The following MEGF9 variants were observed in gnomAD, a reference collection of about 807,000 sequenced individuals.
MEGF9 encodes the protein multiple EGF like domains 9.
MEGF9 carries 6 observed loss-of-function variants against 46.8 expected under a neutral mutation model. The observed-to-expected ratio is 0.13, with a 90% CI of 0.07 to 0.25. MEGF9 has a LOEUF of 0.25. Ranked by LOEUF, MEGF9 falls within the 10% of genes least tolerant of loss-of-function variation. The pLI is 1.00. For synonymous variants in MEGF9, 302 were observed against 330.7 expected (o/e 0.91, Z 0.94); for missense variants, 683 against 792.4 (o/e 0.86, Z 1.66).
chr9:120,605,736 A>G lies in MEGF9; in HGVS notation c.1358-95T>C. 1 of 877,268 alleles carries G rather than the reference A, an allele frequency of 1.1e-6. No individual in the cohort carries two copies. The highest frequency in any genetic ancestry group is 1.8e-5 in the South Asian group (1 of 55,758). 54.3% of individuals were successfully genotyped at this position (877,268 alleles called of 1,614,324 possible). A position where few individuals can be genotyped will look rare whatever the true frequency, so the allele number is the denominator to read the frequency against. ...TACGCATGGGAGTGAATGTTGATGT[A>G]GGATGTTAACATGATATTCTGCTTT... On this transcript the variant is annotated intron_variant, in intron 5 of 5. Transcript: ENST00000373930. The surrounding 1 kb of genome is among the most constrained non-coding windows in gnomAD (Gnocchi z 4.0).
intron 2 of MEGF9, among the ~76,000 whole-genome samples, chr9:120,649,049 T>C (rs1038348940): frequency 2.6e-5 from 4 of 152,224 alleles, no homozygotes; most frequent in South Asian, 4.1e-4. Context: ...AGTATTTGCA[T>C]ATGCACGTCC....
chr9:120,688,130 AACACACACACACACACAC>A (rs34218836), intron 1 of MEGF9, among the ~76,000 whole-genome samples: 12 of 142,526 alleles, frequency 8.4e-5, no homozygotes, highest in Non-Finnish European at 1.4e-4. Context: ...TCCTCTCCGC[AACACACACACACACACAC>A]ACACACACAC....
In MEGF9 at chr9:120,709,412, C is replaced by CA. The variant is rs796930010; in HGVS notation, c.601+4345dup. Among the ~76,000 whole-genome samples the CA allele has an allele frequency of 1.6e-3, 190 of 118,354 alleles. 1 individual carries two copies. Among genetic ancestry groups the CA allele is most frequent in the Non-Finnish European group, 1.6e-3 (90 of 55,178 alleles). The allele number at this position is 118,354 out of a possible 152,430, so 77.6% of individuals were successfully genotyped here. A position where few individuals can be genotyped will look rare whatever the true frequency, so the allele number is the denominator to read the frequency against. On this transcript the variant is annotated intron_variant, in intron 1 of 5. Transcript: ENST00000373930. ...TGGGCAACAGAGTGGAACTCCATCT[C>CA]AAAAAAAAAAACAAAAAACAAAAAA...
At chr9:120,677,189 CACGATCACAG>C in intron 1 of MEGF9, among the ~76,000 whole-genome samples, 1 of 152,042 alleles carries the variant, frequency 6.6e-6, no homozygotes, top group Non-Finnish European at 1.5e-5. Flanking sequence ...AGTGCAGTGG[CACGATCACAG>C]CTCACCGCAG....
At chr9:120,606,740 A>C in intron 5 of MEGF9, among the ~76,000 whole-genome samples, 1 of 152,222 alleles carries the variant, frequency 6.6e-6, no homozygotes, top group East Asian at 1.9e-4. Context: ...AATATACTAC[A>C]CAGCATTATC....
At chr9:120,682,932 A>G (rs1280030161) in intron 1 of MEGF9, among the ~76,000 whole-genome samples, 1 of 152,192 alleles carries the variant, frequency 6.6e-6, no homozygotes, top group Non-Finnish European at 1.5e-5. Context: ...GAATAAATAT[A>G]TATTTGCTTA....
intron 3 of MEGF9, among the ~76,000 whole-genome samples, chr9:120,615,092 AG>A (rs1338000559): frequency 1.3e-5 from 2 of 151,700 alleles, no homozygotes; most frequent in Admixed American, 1.3e-4. Context: ...ATACAAAATT[AG>A]TCAGGTGTGG....
intron 3 of MEGF9, among the ~76,000 whole-genome samples, chr9:120,621,305 A>G (rs1489135716): frequency 1.3e-5 from 2 of 152,168 alleles, no homozygotes. Context: ...AATTACATTT[A>G]TGCTAAACCT....
intron 1 of MEGF9, among the ~76,000 whole-genome samples, chr9:120,712,845 G>A (rs1454932737): frequency 6.6e-6 from 1 of 152,182 alleles, no homozygotes; most frequent in Non-Finnish European, 1.5e-5. Flanking sequence ...CTTTTGTTTT[G>A]TTTTGTTTTA....
In MEGF9 at chr9:120,714,022, A is replaced by G; in HGVS notation, c.337T>C (p.Ser113Pro). 7.3e-7 allele frequency: 1 copy of G among 1,368,620 alleles called. No individual in the cohort carries two copies. Among genetic ancestry groups the G allele is most frequent in the Non-Finnish European group, 9.5e-7 (1 of 1,057,098 alleles). The allele number at this position is 1,368,620 out of a possible 1,614,324, so 84.8% of individuals were successfully genotyped here. A position where few individuals can be genotyped will look rare whatever the true frequency, so the allele number is the denominator to read the frequency against. Residue 113 changes from serine (S) to proline (P), a missense_variant, in exon 1 of 6, where the codon TCC becomes CCC. Physicochemically the swap from Ser to Pro is moderately conservative, Grantham distance 74. Transcript: ENST00000373930. The part of the protein sequence containing the change: ...TPLWATAGPS[S>P]TTFQAPLGPS... The stretch of plus-strand genomic sequence containing the variant: ...CCGAGCGGCGCCTGAAAGGTGGTGG[A>G]AGAGGGTCCAGCAGTCGCCCAAAGA...
chr9:120,693,037 C>G (rs2043856881), intron 1 of MEGF9, among the ~76,000 whole-genome samples: 1 of 152,094 alleles, frequency 6.6e-6, no homozygotes, highest in East Asian at 1.9e-4. Context: ...CAGTATCTAT[C>G]TAGCCCAGCT....
chr9:120,707,600 G>A (rs2043934528), intron 1 of MEGF9, among the ~76,000 whole-genome samples: 1 of 152,134 alleles, frequency 6.6e-6, no homozygotes, highest in South Asian at 2.1e-4. Context: ...AGCCTAGACA[G>A]TTTGTATTTC....
chr9:120,713,843 G>A lies in MEGF9; in HGVS notation c.516C>T (p.Thr172=). 7.7e-7 allele frequency: 1 copy of A among 1,301,824 alleles called. No individual in the cohort carries two copies. Among genetic ancestry groups the A allele is most frequent in the Non-Finnish European group, 9.8e-7 (1 of 1,023,110 alleles). 80.6% of individuals were successfully genotyped at this position (1,301,824 alleles called of 1,614,324 possible). ...TTVPAPTTPR[T]PTPDLPSSSN... is the part of the protein sequence containing the mutation. ...TGCTGCTGGGGAGATCGGGGGTCGGGGTCCGGGGAGTCGTGGGCGCCGGTA... is the reference window on the plus strand; with the variant it reads ...TGCTGCTGGGGAGATCGGGGGTCGGAGTCCGGGGAGTCGTGGGCGCCGGTA... The change falls in exon 1 of 6, where the codon ACC becomes ACT. Residue 172 remains threonine (T), a synonymous_variant. Transcript: ENST00000373930.
At chr9:120,667,855 G>A (rs537491022) in intron 1 of MEGF9, among the ~76,000 whole-genome samples, 11 of 152,112 alleles carry the variant, frequency 7.2e-5, no homozygotes, top group Non-Finnish European at 1.3e-4. Flanking sequence ...GCAAAACCCC[G>A]TCTCTACTAA....
At position 120,605,361 on chromosome 9, in the gene MEGF9, G is replaced by C; in HGVS notation, c.1638C>G (p.Leu546=). 1.9e-6 allele frequency: 3 copies of C among 1,614,026 alleles called. No individual in the cohort carries two copies. The highest frequency in any genetic ancestry group is 2.5e-6 in the Non-Finnish European group (3 of 1,179,896). Residue 546 remains leucine (L), a synonymous_variant, in exon 6 of 6, where the codon CTC becomes CTG. Coordinates refer to ENST00000373930, the MANE Select transcript of MEGF9 (RefSeq NM_001080497.3). The surrounding 1 kb of genome is among the most constrained non-coding windows in gnomAD (Gnocchi z 4.0). Reference sequence around the variant, plus strand: ...GCTCGATGGTCCAAAAGGGGGCATTGAGTTTCCGGTTTTGGTACTCGCGGT... The same window carrying C: ...GCTCGATGGTCCAAAAGGGGGCATTCAGTTTCCGGTTTTGGTACTCGCGGT... ...YMYREYQNRK[L]NAPFWTIELK...
chr9:120,625,744 G>A (rs1332758489), intron 2 of MEGF9, among the ~76,000 whole-genome samples: 3 of 147,528 alleles, frequency 2.0e-5, no homozygotes, highest in Non-Finnish European at 4.4e-5. Flanking sequence ...TGAGGCAGGA[G>A]AATCGCTTGA....
intron 1 of MEGF9, among the ~76,000 whole-genome samples, chr9:120,661,274 G>A (rs1404078297): frequency 4.6e-5 from 7 of 152,148 alleles, no homozygotes. Flanking sequence ...AGCACTTTAG[G>A]AGGCCAAGGT....
chr9:120,637,511 A>G (rs900787383), intron 2 of MEGF9, among the ~76,000 whole-genome samples: 2 of 151,576 alleles, frequency 1.3e-5, no homozygotes, highest in Non-Finnish European at 2.9e-5. Context: ...ATGGTGCTCC[A>G]GGCCGGGCGT....
chr9:120,678,322 T>C (rs1415555129), intron 1 of MEGF9, among the ~76,000 whole-genome samples: 1 of 152,224 alleles, frequency 6.6e-6, no homozygotes, highest in Non-Finnish European at 1.5e-5. Flanking sequence ...GATTGATGGA[T>C]TGTATTGTAG....
Sources: allele counts gnomAD v4.1 joint callset (sites outside exome capture counted in the v4.1 genomes callset), GRCh38; gene constraint gnomAD v4.1.1; non-coding constraint Gnocchi (gnomAD v3.1); transcripts MANE v1.5; gene names NCBI Gene and HGNC (gene_info 2026-07-23, HGNC 2026-07-21).